The following DKK3 variants were observed in gnomAD, a reference collection of about 807,000 sequenced individuals.
DKK3 encodes the protein dickkopf-related protein 3.
In DKK3, 22 loss-of-function variants were observed where a neutral mutation model predicts 33.2. The ratio of observed to expected loss-of-function variants is 0.66; its 90% confidence interval spans 0.47 to 0.95. The LOEUF is 0.95. DKK3 is among the 40% of genes least tolerant of loss of function. DKK3 has a pLI of 0.00. For missense variants in DKK3, 398 were observed against 458.4 expected (o/e 0.87, Z 1.20); for synonymous variants, 194 against 188.8 (o/e 1.03, Z -0.23).
chr11:11,986,041 G>A (rs1047273361), intron 3 of DKK3, among the ~76,000 whole-genome samples: 1 of 152,144 alleles, frequency 6.6e-6, no homozygotes, highest in South Asian at 2.1e-4. Flanking sequence ...TGCTCGTGGG[G>A]CTGAGCCTAA....
At position 11,964,373 on chromosome 11, in the gene DKK3, A is replaced by G. The variant is rs1299691039; in HGVS notation, c.*91T>C. On this transcript the variant is annotated 3_prime_UTR_variant, in exon 7 of 7. Transcript: ENST00000683431. Reference sequence around the variant, plus strand: ...AAACTTACTGGGAAGAAGATGTAGGAAGAAGCCTGGTCAGCCCACGCCTAA... The same window carrying G: ...AAACTTACTGGGAAGAAGATGTAGGGAGAAGCCTGGTCAGCCCACGCCTAA... 6.7e-6 allele frequency: 10 copies of G among 1,483,328 alleles called. No homozygotes were observed. Among genetic ancestry groups the G allele is most frequent in the African/African-American group, 1.4e-5 (1 of 71,508 alleles). 91.9% of individuals were successfully genotyped at this position (1,483,328 alleles called of 1,614,324 possible). A position where few individuals can be genotyped will look rare whatever the true frequency, so the allele number is the denominator to read the frequency against.
At chr11:11,980,358 G>T (rs116361854) in intron 3 of DKK3, among the ~76,000 whole-genome samples, 282 of 152,332 alleles carry the variant, frequency 1.9e-3, no homozygotes, top group African/African-American at 6.3e-3. Context: ...GACTCTCACA[G>T]ACTGACCAAG....
rs1278478298 is a variant in DKK3 at position 12,008,032 on chromosome 11, AC to A, written c.213+337del. 1.3e-5 allele frequency among the ~76,000 whole-genome samples: 2 copies of A among 152,156 alleles called. No homozygotes were observed. The highest frequency in any genetic ancestry group is 4.8e-5 in the African/African-American group (2 of 41,442). ...TTCTGTGAAACCACAGTGCTGGAAT[AC>A]CAGGGGCCCTGCAAACCTCTGCTGA... On this transcript the variant is annotated intron_variant, in intron 1 of 6. Coordinates refer to ENST00000683431, the MANE Select transcript of DKK3 (RefSeq NM_001018057.2). This position sits in a 1 kb window ranked among gnomAD's most constrained non-coding sequence, Gnocchi z 4.6.
chr11:12,009,248 C>G (rs1349622272), upstream of DKK3: 9 of 984,822 alleles, frequency 9.1e-6, no homozygotes, highest in African/African-American at 1.6e-4. Context: ...GCTGCGGGTG[C>G]AGATGCGGGA....
intron 1 of DKK3, among the ~76,000 whole-genome samples, chr11:12,005,244 C>A (rs972167051): frequency 1.3e-5 from 2 of 152,216 alleles, no homozygotes; most frequent in African/African-American, 2.4e-5. Flanking sequence ...ACAGAATGAG[C>A]TAACGGTTCT....
chr11:12,003,236 G>A (rs1564926225), intron 1 of DKK3, among the ~76,000 whole-genome samples: 1 of 152,168 alleles, frequency 6.6e-6, no homozygotes, highest in African/African-American at 2.4e-5. Context: ...AGGGGCAGGG[G>A]ATGGAGGGAA....
At chr11:11,969,839 G>A (rs1847686326) in intron 3 of DKK3, among the ~76,000 whole-genome samples, 1 of 152,342 alleles carries the variant, frequency 6.6e-6, no homozygotes, top group Admixed American at 6.5e-5. Context: ...GCCAAGCATT[G>A]ATGCTTTTGT....
intron 3 of DKK3, among the ~76,000 whole-genome samples, chr11:11,970,005 G>T (rs1329393586): frequency 6.6e-6 from 1 of 152,178 alleles, no homozygotes; most frequent in African/African-American, 2.4e-5. Context: ...GTCCCAACAG[G>T]GCTGGGAACA....
At chr11:11,996,708 A>G (rs1848302144) in intron 3 of DKK3, among the ~76,000 whole-genome samples, 1 of 152,236 alleles carries the variant, frequency 6.6e-6, no homozygotes, top group African/African-American at 2.4e-5. Context: ...AACCTTGGCA[A>G]GCCTCCAGCA....
intron 3 of DKK3, among the ~76,000 whole-genome samples, chr11:11,983,765 C>T (rs532812136): frequency 6.6e-6 from 1 of 152,242 alleles, no homozygotes. Context: ...CCAGGATGAG[C>T]TGGGCACTCC....
chr11:11,999,659 G>GAAA (rs1848382256), intron 2 of DKK3, among the ~76,000 whole-genome samples: 1 of 152,106 alleles, frequency 6.6e-6, no homozygotes, highest in Non-Finnish European at 1.5e-5. Context: ...CAAACAGAAA[G>GAAA]AAAGAAAAGA....
upstream of DKK3, chr11:12,008,633 A>G: frequency 2.3e-6 from 3 of 1,318,422 alleles, no homozygotes; most frequent in South Asian, 2.2e-5. This position sits in a 1 kb window ranked among gnomAD's most constrained non-coding sequence, Gnocchi z 4.6. Context: ...ACGCGATCAG[A>G]GGCGCGCGGA....
intron 1 of DKK3, among the ~76,000 whole-genome samples, chr11:12,005,202 T>C (rs986284709): frequency 6.6e-6 from 1 of 152,186 alleles, no homozygotes; most frequent in African/African-American, 2.4e-5. Context: ...TTTATAAAAC[T>C]TTTCCCCCCA....
chr11:11,982,282 G>A (rs973683481), intron 3 of DKK3, among the ~76,000 whole-genome samples: 2 of 151,666 alleles, frequency 1.3e-5, no homozygotes, highest in Non-Finnish European at 1.5e-5. Context: ...GCCCTCCTAG[G>A]GGAGATGACA....
chr11:11,990,435 G>A (rs1265871835), intron 3 of DKK3, among the ~76,000 whole-genome samples: 2 of 152,224 alleles, frequency 1.3e-5, no homozygotes, highest in South Asian at 2.1e-4. Flanking sequence ...AGCCCAAAGG[G>A]GCTCAAGCCT....
At chr11:11,989,012 C>T (rs1221425968) in intron 3 of DKK3, among the ~76,000 whole-genome samples, 2 of 152,180 alleles carry the variant, frequency 1.3e-5, no homozygotes, top group African/African-American at 4.8e-5. Flanking sequence ...AGTCCTTCAG[C>T]TTACATTGGG....
chr11:11,984,872 T>G (rs557751198), intron 3 of DKK3, among the ~76,000 whole-genome samples: 2 of 152,076 alleles, frequency 1.3e-5, no homozygotes, highest in African/African-American at 4.8e-5. Context: ...TATTCTTTCT[T>G]TTGCCCCCAA....
chr11:11,969,490 CT>C (rs1410089105), intron 3 of DKK3, among the ~76,000 whole-genome samples: 1 of 152,108 alleles, frequency 6.6e-6, no homozygotes, highest in Non-Finnish European at 1.5e-5. Flanking sequence ...GATAATGTGA[CT>C]AGTTCAGGGT....
chr11:11,980,899 G>T (rs900057084), intron 3 of DKK3, among the ~76,000 whole-genome samples: 2 of 152,156 alleles, frequency 1.3e-5, no homozygotes, highest in East Asian at 1.9e-4. Context: ...GTTGGTCACT[G>T]GTGTTTCCAG....
Sources: allele counts gnomAD v4.1 joint callset (sites outside exome capture counted in the v4.1 genomes callset), GRCh38; gene constraint gnomAD v4.1.1; non-coding constraint Gnocchi (gnomAD v3.1); transcripts MANE v1.5; gene names NCBI Gene and HGNC (gene_info 2026-07-23, HGNC 2026-07-21).